NDUFS8: variants seen among roughly 807,000 people sequenced by gnomAD.
NDUFS8 encodes NADH dehydrogenase [ubiquinone] iron-sulfur protein 8, mitochondrial.
In NDUFS8, 13 loss-of-function variants were observed where a neutral mutation model predicts 25.6. The observed-to-expected ratio is 0.51, with a 90% confidence interval of 0.33 to 0.81. The LOEUF (loss-of-function observed/expected upper bound fraction) is 0.81. Ranked by LOEUF, NDUFS8 falls within the 30% of genes least tolerant of loss-of-function variation. NDUFS8 has a pLI of 0.02. For synonymous variants in NDUFS8, 119 were observed against 119.4 expected, an observed-to-expected ratio of 1.00 and a Z score of 0.02; for missense variants, 257 against 300.9, an observed-to-expected ratio of 0.85 and a Z score of 1.08.
intron 5 of NDUFS8, chr11:68,035,068 CAA>C (rs35114879): frequency 2.5e-5 from 3 of 121,170 alleles, no homozygotes; most frequent in South Asian, 2.6e-4. Context: ...GACTTCGTCT[CAA>C]AAAAAAAAAA....
intron 5 of NDUFS8, 78 bp from the exon 6 acceptor site, chr11:68,036,175 G>A: frequency 1.9e-6 from 3 of 1,602,674 alleles, no homozygotes; most frequent in Admixed American, 1.7e-5. Flanking sequence ...CCCAGGGGTG[G>A]GGATGAGCAG....
chr11:68,036,164 C>T lies in NDUFS8; in HGVS notation c.373-89C>T. The T allele has an allele frequency of 2.5e-6, 4 of 1,597,222 alleles. No individual in the cohort carries two copies. In the Admixed American group the frequency reaches 6.7e-5, roughly 27 times the overall value. On this transcript the variant is annotated intron_variant, in intron 5 of 6. Transcript: ENST00000313468. ...TTGAGGGGAGAGGGCTTCTGGCAGACCCCAGGGGTGGGGATGAGCAGTGAC... is the reference window on the plus strand; with the variant it reads ...TTGAGGGGAGAGGGCTTCTGGCAGATCCCAGGGGTGGGGATGAGCAGTGAC...
At chr11:68,035,815 C>T (rs1057476083) in intron 5 of NDUFS8, 8 of 425,710 alleles carry the variant, frequency 1.9e-5, no homozygotes, top group South Asian at 5.0e-5. Context: ...GTCAAGAGAT[C>T]GAGACCATCC....
chr11:68,035,741 C>T (rs1265263030), intron 5 of NDUFS8: 15 of 453,620 alleles, frequency 3.3e-5, no homozygotes, highest in Admixed American at 9.4e-5. Flanking sequence ...CAAGGCAGGC[C>T]GGGCACGGTG....
chr11:68,036,000 A>AG, intron 5 of NDUFS8: 1 of 457,004 alleles, frequency 2.2e-6, no homozygotes, highest in Non-Finnish European at 4.0e-6. Context: ...GCCTGGCGAC[A>AG]GAGCGAGACT....
At chr11:68,032,701 C>A (rs1332063011) in intron 3 of NDUFS8, 5 of 790,638 alleles carry the variant, frequency 6.3e-6, no homozygotes. Flanking sequence ...GTCTGGGCTC[C>A]AATGGCCACC....
chr11:68,036,364 G>A lies in NDUFS8; in HGVS notation c.484G>A (p.Val162Met), dbSNP rs1277027467. The change falls in exon 6 of 7, where the codon GTG becomes ATG. Residue 162 changes from valine (V) to methionine (M), a missense_variant. Val to Met is a conservative substitution (Grantham distance 21, BLOSUM62 1). Transcript: ENST00000313468. ...CGGCTTCTGCCAGGAGGCCTGTCCC[G>A]TGGATGCCATCGTCGAGGCACGTGA... The part of the protein sequence containing the change: ...YCGFCQEACP[V>M]DAIVEGPNFE... 15 of 1,613,760 alleles carry A rather than the reference G, an allele frequency of 9.3e-6. No individual in the cohort carries two copies. The highest frequency in any genetic ancestry group is 6.6e-5 in the South Asian group (6 of 91,082).
At chr11:68,035,059 A>G (rs2134417091) in intron 5 of NDUFS8, 1 of 151,848 alleles carries the variant, frequency 6.6e-6, no homozygotes, top group South Asian at 2.1e-4. Context: ...ACAGAGCAAG[A>G]CTTCGTCTCA....
rs561492258 is a variant in NDUFS8, at chr11:68,032,300, C to T, written c.73C>T (p.Arg25Trp). The T allele has an allele frequency of 1.6e-5, 26 of 1,613,678 alleles. No individual in the cohort carries two copies. The highest frequency in any genetic ancestry group is 1.1e-4 in the South Asian group (10 of 91,048). ...TCTTTTTGCAGGACCTCCTGGTGGC[C>T]GGAGCCTCCACAGCAGTGCAGTGGC... ...QAARAGPPGG[R>W]SLHSSAVAAT... Residue 25 changes from arginine (R) to tryptophan (W), a missense_variant, in exon 3 of 7, where the codon CGG becomes TGG. By Grantham distance (101) the Arg-to-Trp change is moderately radical (BLOSUM62 -3). Transcript: ENST00000313468.
intron 5 of NDUFS8, chr11:68,035,750 T>G: frequency 2.2e-6 from 1 of 453,182 alleles, no homozygotes; most frequent in Non-Finnish European, 4.4e-6. Flanking sequence ...CCGGGCACGG[T>G]GGCTCACGCT....
In NDUFS8 at chr11:68,033,216, GCCGGTACCCAT is replaced by G. The variant is rs1854807519; in HGVS notation, c.310_320del (p.Tyr104GlyfsTer24). The G allele has an allele frequency of 1.2e-6, 2 of 1,611,892 alleles. No homozygotes were observed. Among genetic ancestry groups the G allele is most frequent in the Non-Finnish European group, 1.7e-6 (2 of 1,179,610 alleles). On this transcript the variant is annotated frameshift_variant, in exon 5 of 7. Transcript: ENST00000313468. LOFTEE classifies it high-confidence loss of function. Reference sequence around the variant, plus strand: ...CGCTTCCGTGGGGAGCATGCGCTGCGCCGGTACCCATCCGGGGAGGAGCGTTGCATTGCCTG... The same window carrying G: ...CGCTTCCGTGGGGAGCATGCGCTGCGCCGGGGAGGAGCGTTGCATTGCCTG...
intron 1 of NDUFS8, chr11:68,031,805 T>A: frequency 2.4e-6 from 1 of 414,098 alleles, no homozygotes; most frequent in South Asian, 2.1e-5. Flanking sequence ...TGGCGGGGGC[T>A]GGTAATGTTG....
At chr11:68,032,121 C>G (rs878867644) in intron 1 of NDUFS8, 31 bp from the exon 2 acceptor site, 1 of 1,611,746 alleles carries the variant, frequency 6.2e-7, no homozygotes, top group African/African-American at 1.3e-5. Context: ...CTTGGGCACA[C>G]CCCACCCTCC....
chr11:68,035,296 A>C (rs1854863508), intron 5 of NDUFS8: 1 of 153,036 alleles, frequency 6.5e-6, no homozygotes, highest in Non-Finnish European at 1.5e-5. Flanking sequence ...AAATACAAAA[A>C]ATTAGCCCCT....
Position 68,032,223 on chromosome 11 carries a change from A to G in NDUFS8, c.58+14A>G. 6.2e-7 allele frequency: 1 copy of G among 1,613,666 alleles called. No homozygotes were observed. The highest frequency in any genetic ancestry group is 8.5e-7 in the Non-Finnish European group (1 of 1,180,032). ...CTGCACGTGCAGGTAGGACCAAAGA[A>G]GCCTTTGCTGGGGGTAGGGGAGTCC... On this transcript the variant is annotated intron_variant, in intron 2 of 6. Coordinates refer to ENST00000313468, the MANE Select transcript of NDUFS8 (RefSeq NM_002496.4).
chr11:68,036,146 G>C lies in NDUFS8; in HGVS notation c.373-107G>C, dbSNP rs952569357. Reference sequence around the variant, plus strand: ...CCGGAGTCCAGGAGGCCTTTGAGGGGAGAGGGCTTCTGGCAGACCCCAGGG... The same window carrying C: ...CCGGAGTCCAGGAGGCCTTTGAGGGCAGAGGGCTTCTGGCAGACCCCAGGG... On this transcript the variant is annotated intron_variant, in intron 5 of 6. Transcript: ENST00000313468. 5 of 1,576,862 alleles carry C rather than the reference G, an allele frequency of 3.2e-6. No individual in the cohort carries two copies. In the Admixed American group the frequency reaches 8.6e-5, roughly 27 times the overall value.
chr11:68,035,883 G>T (rs1647597048), intron 5 of NDUFS8: 1 of 371,478 alleles, frequency 2.7e-6, no homozygotes, highest in Non-Finnish European at 5.3e-6. Context: ...GCTGGGCGTG[G>T]TGATGCACAC....
chr11:68,031,310 C>T (rs1444357164), intron 1 of NDUFS8, among the ~76,000 whole-genome samples: 2 of 152,202 alleles, frequency 1.3e-5, no homozygotes, highest in East Asian at 1.9e-4. Context: ...TTCCGATCCT[C>T]GGCCCACCTC....
At chr11:68,032,552 G>C in intron 3 of NDUFS8, 1 of 1,463,596 alleles carries the variant, frequency 6.8e-7, no homozygotes, top group African/African-American at 1.4e-5. Flanking sequence ...AGAGCTCCCT[G>C]GGTGTGATGG....
Sources: allele counts gnomAD v4.1 joint callset (sites outside exome capture counted in the v4.1 genomes callset), GRCh38; gene constraint gnomAD v4.1.1; transcripts MANE v1.5; gene names NCBI Gene and HGNC (gene_info 2026-07-23, HGNC 2026-07-21).